The following NTRK2 variants were observed in gnomAD, a reference collection of about 807,000 sequenced individuals.
NTRK2 encodes the protein BDNF/NT-3 growth factors receptor.
A neutral mutation model predicts 94.5 loss-of-function variants in NTRK2; 13 were observed. The ratio of observed to expected loss-of-function variants is 0.14; its 90% CI spans 0.09 to 0.22. The LOEUF (loss-of-function observed/expected upper bound fraction) is 0.22, where lower values mean the gene tolerates loss of function less well. NTRK2 is among the 10% of genes least tolerant of loss of function. NTRK2 has a pLI of 1.00. For missense variants in NTRK2, 639 were observed against 1,071.2 expected (o/e 0.60, Z 5.63); for synonymous variants, 372 against 407.4 (o/e 0.91, Z 1.05).
At chr9:84,684,669 T>C (rs944927284) in intron 2 of NTRK2, among the ~76,000 whole-genome samples, 1 of 152,236 alleles carries the variant, frequency 6.6e-6, no homozygotes, top group African/African-American at 2.4e-5. Context: ...ACTTTTGTTA[T>C]CAAACCTTTT....
At chr9:84,940,366 G>A (rs568677496) in intron 15 of NTRK2, among the ~76,000 whole-genome samples, 1 of 152,028 alleles carries the variant, frequency 6.6e-6, no homozygotes, top group Non-Finnish European at 1.5e-5. Context: ...TTATCATCTC[G>A]GCAGGAGACA....
At chr9:84,989,577 T>G (rs186759489) in intron 17 of NTRK2, among the ~76,000 whole-genome samples, 2 of 152,342 alleles carry the variant, frequency 1.3e-5, no homozygotes, top group Admixed American at 1.3e-4. Flanking sequence ...CCCACTTTTT[T>G]CAAGAACTGC....
At chr9:84,840,140 G>A (rs1362010922) in intron 12 of NTRK2, among the ~76,000 whole-genome samples, 1 of 151,900 alleles carries the variant, frequency 6.6e-6, no homozygotes, top group Non-Finnish European at 1.5e-5. Flanking sequence ...TTGGTCCTTT[G>A]TGAGAAATGT....
At position 84,879,170 on chromosome 9, in the gene NTRK2, G is replaced by A. The variant is rs143921727; in HGVS notation, c.1633+11739G>A. ...AGAGAGAGAGACAGAGAGAGAGTGA[G>A]AGAGAGACGGAGAGTGAGGCAGAGA... On this transcript the variant is annotated intron_variant, in intron 14 of 18. Coordinates refer to ENST00000277120, the MANE Select transcript of NTRK2 (RefSeq NM_006180.6). 6.0e-3 allele frequency among the ~76,000 whole-genome samples: 906 copies of A among 152,268 alleles called. 10 individuals are homozygous for A. The highest frequency in any genetic ancestry group is 0.021 in the African/African-American group (853 of 41,548).
At chr9:84,691,731 T>C (rs1760351785) in intron 2 of NTRK2, among the ~76,000 whole-genome samples, 1 of 152,160 alleles carries the variant, frequency 6.6e-6, no homozygotes, top group African/African-American at 2.4e-5. Flanking sequence ...AGACAAATGC[T>C]TGATTGAAAT....
chr9:84,881,855 T>C lies in NTRK2; in HGVS notation c.1633+14424T>C, dbSNP rs150127098. 3.0e-3 allele frequency among the ~76,000 whole-genome samples: 463 copies of C among 152,350 alleles called. 3 individuals are homozygous for C. The highest frequency in any genetic ancestry group is 0.011 in the African/African-American group (440 of 41,588). ...GAATTCTCCTGTCTGGTTTTGTAAC[T>C]TGGGTTTCAGGTATGCTAAAGCTTT... On this transcript the variant is annotated intron_variant, in intron 14 of 18. Transcript: ENST00000277120.
intron 17 of NTRK2, among the ~76,000 whole-genome samples, chr9:84,962,930 G>T (rs945134558): frequency 6.6e-6 from 1 of 152,200 alleles, no homozygotes; most frequent in African/African-American, 2.4e-5. Flanking sequence ...GCTACTAAAG[G>T]TGGCTAAGCA....
chr9:84,835,499 T>C (rs1357921279), intron 12 of NTRK2, among the ~76,000 whole-genome samples: 1 of 151,612 alleles, frequency 6.6e-6, no homozygotes, highest in African/African-American at 2.4e-5. Flanking sequence ...TTCTGGCCAC[T>C]ACTAGATTTA....
chr9:84,724,147 G>A, intron 7 of NTRK2, 77 bp from the exon 8 acceptor site: 2 of 1,512,964 alleles, frequency 1.3e-6, no homozygotes, highest in South Asian at 2.3e-5. Flanking sequence ...TCTCTAGTTA[G>A]GGGAAGAAAC....
intron 12 of NTRK2, among the ~76,000 whole-genome samples, chr9:84,819,660 G>T (rs1413323422): frequency 2.6e-5 from 4 of 152,246 alleles, no homozygotes; most frequent in Non-Finnish European, 4.4e-5. Flanking sequence ...TTCAGGGTAT[G>T]TCTGTTGTGT....
At chr9:84,883,493 G>C (rs1454450488) in intron 14 of NTRK2, among the ~76,000 whole-genome samples, 4 of 152,184 alleles carry the variant, frequency 2.6e-5, no homozygotes, top group Admixed American at 2.6e-4. Context: ...AGGCATTTAA[G>C]GGATAGTCTT....
intron 2 of NTRK2, among the ~76,000 whole-genome samples, chr9:84,687,775 G>T (rs1322096621): frequency 1.3e-5 from 2 of 152,032 alleles, no homozygotes; most frequent in Non-Finnish European, 2.9e-5. Context: ...ACATGTCTTT[G>T]TACCTGGTAC....
At position 85,025,817 on chromosome 9, in the gene NTRK2, T is replaced by C. The variant is rs1024220138; in HGVS notation, c.*4380T>C. 5 of 232,700 alleles carry C rather than the reference T, an allele frequency of 2.1e-5. No homozygotes were observed. Among genetic ancestry groups the C allele is most frequent in the African/African-American group, 8.8e-5 (4 of 45,320 alleles). The allele number at this position is 232,700 out of a possible 1,614,324, so 14.4% of individuals were successfully genotyped here. A position where few individuals can be genotyped will look rare whatever the true frequency, so the allele number is the denominator to read the frequency against. On this transcript the variant is annotated 3_prime_UTR_variant, in exon 19 of 19. Coordinates refer to ENST00000277120, the MANE Select transcript of NTRK2 (RefSeq NM_006180.6). ...CTCTCCAAATGTCTAAGTTAGTAGT[T>C]ACAGCTGATTTTTTATGATGCATAA...
intron 14 of NTRK2, among the ~76,000 whole-genome samples, chr9:84,903,204 G>A (rs1299303341): frequency 6.6e-6 from 1 of 152,208 alleles, no homozygotes; most frequent in Admixed American, 6.5e-5. Context: ...ACTGCAGAAA[G>A]GTCTGTTGGT....
chr9:84,899,085 G>A (rs940737301), intron 14 of NTRK2, among the ~76,000 whole-genome samples: 1 of 152,142 alleles, frequency 6.6e-6, no homozygotes, highest in Non-Finnish European at 1.5e-5. Flanking sequence ...AGTGATTTGA[G>A]CACTGAAATA....
chr9:84,831,480 G>T (rs1180941132), intron 12 of NTRK2, among the ~76,000 whole-genome samples: 1 of 152,060 alleles, frequency 6.6e-6, no homozygotes, highest in Non-Finnish European at 1.5e-5. Context: ...CTATGCCCGT[G>T]GTACATTGGT....
At position 85,026,205 on chromosome 9, in the gene NTRK2, C is replaced by A. The variant is rs941068078; in HGVS notation, c.*4768C>A. On this transcript the variant is annotated 3_prime_UTR_variant, in exon 19 of 19. Coordinates refer to ENST00000277120, the MANE Select transcript of NTRK2 (RefSeq NM_006180.6). ...ACTGTGAATTTCACAACAACCACCA[C>A]CAAGCAACTATTTTGCCATCTTAAC... is the stretch of plus-strand genomic sequence containing the variant. 2 of 229,518 alleles carry A rather than the reference C, an allele frequency of 8.7e-6. No individual in the cohort carries two copies. Among genetic ancestry groups the A allele is most frequent in the Non-Finnish European group, 1.7e-5 (2 of 115,906 alleles). The allele number at this position is 229,518 out of a possible 1,614,324, so 14.2% of individuals were successfully genotyped here. A position where few individuals can be genotyped will look rare whatever the true frequency, so the allele number is the denominator to read the frequency against.
At chr9:84,839,593 T>C (rs1358713872) in intron 12 of NTRK2, among the ~76,000 whole-genome samples, 1 of 152,192 alleles carries the variant, frequency 6.6e-6, no homozygotes. Flanking sequence ...ACCAGATATT[T>C]ATGGAGCGCG....
chr9:84,686,149 T>A (rs1313064616), intron 2 of NTRK2, among the ~76,000 whole-genome samples: 2 of 152,230 alleles, frequency 1.3e-5, no homozygotes, highest in African/African-American at 4.8e-5. Context: ...CAAGTTAAGA[T>A]GTTTGTTTAT....
Sources: allele counts gnomAD v4.1 joint callset (sites outside exome capture counted in the v4.1 genomes callset), GRCh38; gene constraint gnomAD v4.1.1; transcripts MANE v1.5; gene names NCBI Gene and HGNC (gene_info 2026-07-23, HGNC 2026-07-21).